Variants in CDHR3 observed in about 807,000 individuals in gnomAD.
The protein encoded by CDHR3 is cadherin-related family member 3.
CDHR3 carries 79 observed loss-of-function variants against 86.6 expected under a neutral mutation model. The ratio of observed to expected loss-of-function variants is 0.91; its 90% CI spans 0.76 to 1.10. CDHR3 has a LOEUF of 1.10. Among genes scored for constraint, CDHR3 ranks in the 50% least tolerant of loss-of-function variants. CDHR3 has a pLI of 0.00. For synonymous variants in CDHR3, 421 were observed against 402.4 expected (o/e 1.05, Z -0.55); for missense variants, 1,081 against 1,077.6 (o/e 1.00, Z -0.04).
At position 106,022,438 on chromosome 7, in the gene CDHR3, C is replaced by T. The variant is rs768489671; in HGVS notation, c.2066C>T (p.Thr689Met). 2.0e-5 allele frequency: 33 copies of T among 1,613,606 alleles called. 1 individual carries two copies. Among genetic ancestry groups the T allele is most frequent in the Middle Eastern group, 1.6e-4 (1 of 6,082 alleles). The change falls in exon 14 of 19, where the codon ACG becomes ATG. Residue 689 changes from threonine (T) to methionine (M), a missense_variant. Coordinates refer to ENST00000317716, the MANE Select transcript of CDHR3 (RefSeq NM_152750.5). ...CCCCACCCAACCACTATCATCACCA[C>T]GACCCCCAGGGTAAGGGCTTTAGGA... ...VIPHPTTIIT[T>M]TPRPRVTYQV...
intron 15 of CDHR3, among the ~76,000 whole-genome samples, chr7:106,025,857 T>A (rs1213432881): frequency 6.6e-6 from 1 of 152,208 alleles, no homozygotes; most frequent in Admixed American, 6.5e-5. Context: ...TTGAACTCTA[T>A]TCACAAATTG....
chr7:106,007,498 A>G (rs1199428856), intron 8 of CDHR3, among the ~76,000 whole-genome samples: 9 of 152,154 alleles, frequency 5.9e-5, no homozygotes, highest in African/African-American at 1.9e-4. Flanking sequence ...AATTTCTTCT[A>G]CCAGATACTC....
Position 105,991,234 on chromosome 7 carries a change from G to A in CDHR3, c.514-3517G>A, listed in dbSNP as rs556955863. 7.2e-5 allele frequency among the ~76,000 whole-genome samples: 11 copies of A among 152,310 alleles called. No individual in the cohort carries two copies. The South Asian group carries it at 2.1e-3, about 29-fold the overall frequency. On this transcript the variant is annotated intron_variant, in intron 4 of 18. Transcript: ENST00000317716. The stretch of plus-strand genomic sequence containing the variant: ...CTTTAAAAAGGGGGAGAAAATGCCA[G>A]GTTTTACAGAGAGCCTTGCTGAGTC...
chr7:105,966,180 T>G (rs1826895275), intron 1 of CDHR3, among the ~76,000 whole-genome samples: 1 of 152,180 alleles, frequency 6.6e-6, no homozygotes, highest in Non-Finnish European at 1.5e-5. Context: ...TCCCAGAAGA[T>G]GAAGGACATA....
At chr7:106,010,401 T>C (rs1585747831) in intron 8 of CDHR3, among the ~76,000 whole-genome samples, 1 of 152,266 alleles carries the variant, frequency 6.6e-6, no homozygotes, top group Admixed American at 6.5e-5. Flanking sequence ...CAGCATGCAG[T>C]TGGTGTTTAA....
intron 1 of CDHR3, among the ~76,000 whole-genome samples, chr7:105,969,521 G>C (rs1421632494): frequency 6.6e-6 from 1 of 152,138 alleles, no homozygotes; most frequent in African/African-American, 2.4e-5. Context: ...TTTGCACCTG[G>C]TCTCAACGAG....
chr7:105,973,846 A>G (rs1828364463), intron 1 of CDHR3, among the ~76,000 whole-genome samples: 1 of 152,156 alleles, frequency 6.6e-6, no homozygotes, highest in Admixed American at 6.6e-5. Flanking sequence ...GCACACCTGT[A>G]ATCACAGCTG....
At chr7:105,964,408 A>T (rs1563218113) in intron 1 of CDHR3, among the ~76,000 whole-genome samples, 1 of 152,122 alleles carries the variant, frequency 6.6e-6, no homozygotes, top group Non-Finnish European at 1.5e-5. Flanking sequence ...ACGTTTGAAA[A>T]AATGAACATT....
At chr7:106,006,664 C>T (rs1028484273) in intron 8 of CDHR3, among the ~76,000 whole-genome samples, 4 of 152,218 alleles carry the variant, frequency 2.6e-5, no homozygotes, top group East Asian at 1.9e-4. Context: ...GGTGGGTTCC[C>T]ATGATCTTGG....
chr7:106,004,213 A>G (rs1200033421), intron 7 of CDHR3, among the ~76,000 whole-genome samples: 1 of 152,222 alleles, frequency 6.6e-6, no homozygotes, highest in African/African-American at 2.4e-5. Context: ...CTCTGGGTCA[A>G]GCTGGAGTCA....
intron 3 of CDHR3, among the ~76,000 whole-genome samples, chr7:105,981,453 T>C (rs899737775): frequency 8.5e-5 from 13 of 152,164 alleles, no homozygotes; most frequent in Non-Finnish European, 1.8e-4. Context: ...CTCATCCCTG[T>C]GTACCCTGGT....
In CDHR3 at chr7:106,015,130, A is replaced by C; in HGVS notation, c.1244A>C (p.Tyr415Ser). Residue 415 changes from tyrosine (Y) to serine (S), a missense_variant, in exon 10 of 19, where the codon TAC becomes TCC. Coordinates refer to ENST00000317716, the MANE Select transcript of CDHR3 (RefSeq NM_152750.5). ...ATCTAGCTGATTGGTGATCTAGACTACGAAAATCCAAGTAACCTAGCAGCC... is the reference window on the plus strand; with the variant it reads ...ATCTAGCTGATTGGTGATCTAGACTCCGAAAATCCAAGTAACCTAGCAGCC... ...GKIVLIGDLD[Y>S]ENPSNLAAGN... 6.2e-7 allele frequency: 1 copy of C among 1,608,566 alleles called. No homozygotes were observed. The highest frequency in any genetic ancestry group is 8.5e-7 in the Non-Finnish European group (1 of 1,177,404).
chr7:106,029,543 CCT>C (rs200247045), intron 17 of CDHR3, among the ~76,000 whole-genome samples: 300 of 96,150 alleles, frequency 3.1e-3, no homozygotes, highest in Middle Eastern at 6.1e-3. Flanking sequence ...CTCTCCTCCA[CCT>C]CTGTCTCTCT....
At chr7:105,970,590 T>A (rs1375097500) in intron 1 of CDHR3, among the ~76,000 whole-genome samples, 2 of 152,136 alleles carry the variant, frequency 1.3e-5, no homozygotes, top group Non-Finnish European at 2.9e-5. Flanking sequence ...AAGTATGCGG[T>A]GTTTTAGGGA....
At chr7:105,979,791 G>A (rs1000921560) in intron 2 of CDHR3, among the ~76,000 whole-genome samples, 2 of 152,130 alleles carry the variant, frequency 1.3e-5, no homozygotes, top group Non-Finnish European at 2.9e-5. Context: ...ATAACCGAAA[G>A]GTTCTACTGA....
intron 8 of CDHR3, among the ~76,000 whole-genome samples, chr7:106,005,790 A>G (rs1833867706): frequency 6.6e-6 from 1 of 152,164 alleles, no homozygotes; most frequent in Non-Finnish European, 1.5e-5. Context: ...TGCCCAGTAT[A>G]ATGTTAAAGG....
At chr7:106,024,588 C>G (rs1439019136) in intron 15 of CDHR3, 26 bp downstream of exon 15, 2 of 1,606,516 alleles carry the variant, frequency 1.2e-6, no homozygotes, top group African/African-American at 2.7e-5. Context: ...GCTGGGCCCT[C>G]TTCCCCACCT....
chr7:106,022,838 C>T (rs1427914047), intron 14 of CDHR3, among the ~76,000 whole-genome samples: 1 of 152,148 alleles, frequency 6.6e-6, no homozygotes, highest in African/African-American at 2.4e-5. Flanking sequence ...AGTCAATATC[C>T]ATGAAATTAG....
At position 105,999,327 on chromosome 7, in the gene CDHR3, A is replaced by ATG. The variant is rs1563265566; in HGVS notation, c.714-2134_714-2133insGT. ...GAGAATATTTCGCCTGAGGAGCTGCATCGTGGCCAGTAGCCTGACCAGTTC... is the reference window on the plus strand; with the variant it reads ...GAGAATATTTCGCCTGAGGAGCTGCATGTCGTGGCCAGTAGCCTGACCAGTTC... On this transcript the variant is annotated intron_variant, in intron 6 of 18. Coordinates refer to ENST00000317716, the MANE Select transcript of CDHR3 (RefSeq NM_152750.5). Among the ~76,000 whole-genome samples the ATG allele has an allele frequency of 2.6e-3, 392 of 151,892 alleles. 2 individuals are homozygous for ATG. The highest frequency in any genetic ancestry group is 9.0e-3 in the African/African-American group (374 of 41,400).
Sources: gnomAD v4.1 joint callset for allele counts (sites outside exome capture counted in the v4.1 genomes callset) on GRCh38, gnomAD v4.1.1 for gene constraint, MANE v1.5 for transcripts, NCBI Gene and HGNC (gene_info 2026-07-23, HGNC 2026-07-21) for gene names.